Variants in ZBTB20 observed in about 807,000 individuals in gnomAD.
ZBTB20 encodes the protein zinc finger and BTB domain-containing protein 20.
ZBTB20 carries 9 observed loss-of-function variants against 56.9 expected under a neutral mutation model. The ratio of observed to expected loss-of-function variants is 0.16; its 90% CI spans 0.10 to 0.28. The LOEUF is 0.28. Ranked by LOEUF, ZBTB20 falls within the 10% of genes least tolerant of loss-of-function variation. The pLI is 1.00. For missense variants in ZBTB20, 655 were observed against 1,003.0 expected (o/e 0.65, Z 4.69); for synonymous variants, 417 against 420.7 (o/e 0.99, Z 0.11).
intron 10 of ZBTB20, among the ~76,000 whole-genome samples, chr3:114,362,482 A>G (rs1040134185): frequency 2.0e-5 from 3 of 152,218 alleles, no homozygotes; most frequent in Non-Finnish European, 2.9e-5. Context: ...AGATATGTCT[A>G]TGTGATATGG....
At chr3:114,366,334 C>T (rs2082394574) in intron 10 of ZBTB20, among the ~76,000 whole-genome samples, 1 of 151,650 alleles carries the variant, frequency 6.6e-6, no homozygotes, top group African/African-American at 2.4e-5. Context: ...TATATTCATT[C>T]CTTTCTTGGT....
In ZBTB20 at chr3:114,943,575, A is replaced by G. The variant is rs146573777; in HGVS notation, c.-456+30791T>C. Reference sequence around the variant, plus strand: ...AGATTATTCTAGAACTAAAAATAAAACAAAATTAATAACTCAATCGCAGCC... The same window carrying G: ...AGATTATTCTAGAACTAAAAATAAAGCAAAATTAATAACTCAATCGCAGCC... On this transcript the variant is annotated intron_variant, in intron 3 of 11. Transcript: ENST00000675478. Among the ~76,000 whole-genome samples the G allele has an allele frequency of 1.9e-3, 282 of 145,696 alleles. 3 individuals are homozygous for G. The highest frequency in any genetic ancestry group is 3.3e-3 in the East Asian group (17 of 5,186).
chr3:115,114,792 T>C (rs532003483), intron 1 of ZBTB20, among the ~76,000 whole-genome samples: 6 of 152,268 alleles, frequency 3.9e-5, no homozygotes, highest in Admixed American at 2.0e-4. Flanking sequence ...TCATTATTAG[T>C]ACTACTACTT....
At chr3:115,105,913 G>A (rs1261381293) in intron 1 of ZBTB20, among the ~76,000 whole-genome samples, 1 of 152,094 alleles carries the variant, frequency 6.6e-6, no homozygotes, top group Non-Finnish European at 1.5e-5. Context: ...CGCCTCCCCA[G>A]TTCAAGCGAT....
chr3:114,384,952 A>G (rs574274003), intron 8 of ZBTB20, among the ~76,000 whole-genome samples: 5 of 152,190 alleles, frequency 3.3e-5, no homozygotes, highest in Non-Finnish European at 7.3e-5. Flanking sequence ...TCTGCAACAT[A>G]TGGAAAAATA....
intron 7 of ZBTB20, among the ~76,000 whole-genome samples, chr3:114,472,705 T>C (rs1268508919): frequency 8.8e-5 from 4 of 45,326 alleles, no homozygotes; most frequent in Non-Finnish European, 1.3e-4. Context: ...CGAAACTCCA[T>C]CTCAGAAGAA....
At position 114,991,201 on chromosome 3, in the gene ZBTB20, G is replaced by A. The variant is rs144961229; in HGVS notation, c.-506-16785C>T. Among the ~76,000 whole-genome samples, 392 of 152,130 alleles carry A rather than the reference G, an allele frequency of 2.6e-3. 3 individuals carry two copies. The highest frequency in any genetic ancestry group is 6.1e-3 in the Admixed American group (93 of 15,270). On this transcript the variant is annotated intron_variant, in intron 2 of 11. Coordinates refer to ENST00000675478, the MANE Select transcript of ZBTB20 (RefSeq NM_001348800.3). ...TAGTTCTTTTAATTGTGATGTTCGG[G>A]TGTCAATTTTGGATCTTTCCTGCTT...
chr3:114,511,280 G>C (rs1039749677), intron 6 of ZBTB20, among the ~76,000 whole-genome samples: 1 of 152,078 alleles, frequency 6.6e-6, no homozygotes, highest in Non-Finnish European at 1.5e-5. Context: ...ACAAGTTCTA[G>C]GTCTTGTAAG....
At chr3:114,786,761 A>C (rs1051592103) in intron 5 of ZBTB20, among the ~76,000 whole-genome samples, 5 of 152,076 alleles carry the variant, frequency 3.3e-5, no homozygotes, top group African/African-American at 1.2e-4. Context: ...TAATGACTAG[A>C]ATAAAAAAAT....
intron 4 of ZBTB20, among the ~76,000 whole-genome samples, chr3:114,835,847 A>G (rs1329391589): frequency 6.6e-6 from 1 of 152,096 alleles, no homozygotes; most frequent in Admixed American, 6.6e-5. Flanking sequence ...ACAGCTGTTA[A>G]CCCTTTCATT....
chr3:114,853,228 T>C (rs761636542), intron 4 of ZBTB20, among the ~76,000 whole-genome samples: 1 of 152,194 alleles, frequency 6.6e-6, no homozygotes, highest in African/African-American at 2.4e-5. Flanking sequence ...GCAGACCACC[T>C]ATAGCCTCAC....
intron 2 of ZBTB20, among the ~76,000 whole-genome samples, chr3:115,038,047 T>G (rs1037210552): frequency 1.3e-5 from 2 of 152,222 alleles, no homozygotes; most frequent in African/African-American, 4.8e-5. Context: ...ACATGGGTGA[T>G]GCCACCTCCT....
intron 2 of ZBTB20, among the ~76,000 whole-genome samples, chr3:115,068,880 G>GA (rs1009497435): frequency 1.2e-3 from 164 of 142,320 alleles, no homozygotes; most frequent in Admixed American, 1.2e-3. Context: ...TTGCTTGTTT[G>GA]AAAAAAAAAA....
intron 1 of ZBTB20, among the ~76,000 whole-genome samples, chr3:115,088,459 T>G (rs2083069784): frequency 1.3e-5 from 2 of 151,826 alleles, no homozygotes; most frequent in South Asian, 4.1e-4. Context: ...AGAGAGGTGT[T>G]AAGAATATCC....
At chr3:114,657,021 C>T (rs183729670) in intron 6 of ZBTB20, among the ~76,000 whole-genome samples, 2 of 152,210 alleles carry the variant, frequency 1.3e-5, no homozygotes, top group South Asian at 2.1e-4. Context: ...TCTGAATCAT[C>T]GAGGAATCTA....
rs1025215548 is a variant in ZBTB20, at chr3:114,869,050, C to G, written c.-417+31254G>C. On this transcript the variant is annotated intron_variant, in intron 4 of 11. Transcript: ENST00000675478. Reference sequence around the variant, plus strand: ...AGCTATTTCTGAGGAGCTACTGGAACCTCCTCATTTTTTCTAGAGGTATCC... The same window carrying G: ...AGCTATTTCTGAGGAGCTACTGGAAGCTCCTCATTTTTTCTAGAGGTATCC... Among the ~76,000 whole-genome samples, 5 of 152,042 alleles carry G rather than the reference C, an allele frequency of 3.3e-5. No individual in the cohort carries two copies. The South Asian group carries it at 1.0e-3, about 32-fold the overall frequency.
intron 6 of ZBTB20, among the ~76,000 whole-genome samples, chr3:114,556,981 G>A (rs2051312984): frequency 6.6e-6 from 1 of 152,104 alleles, no homozygotes; most frequent in Middle Eastern, 3.4e-3. Flanking sequence ...TCCAATTCAA[G>A]ACTGCATACA....
At chr3:114,395,145 A>G (rs2086221627) in intron 7 of ZBTB20, among the ~76,000 whole-genome samples, 1 of 152,164 alleles carries the variant, frequency 6.6e-6, no homozygotes, top group Non-Finnish European at 1.5e-5. Context: ...CTTTGCCCCA[A>G]ATGTAGTGGT....
At chr3:114,496,339 A>G (rs1461046723) in intron 7 of ZBTB20, among the ~76,000 whole-genome samples, 1 of 152,122 alleles carries the variant, frequency 6.6e-6, no homozygotes, top group Non-Finnish European at 1.5e-5. Context: ...TTCCCAGATG[A>G]CATTTGGTTG....
Sources: allele counts gnomAD v4.1 joint callset (sites outside exome capture counted in the v4.1 genomes callset), GRCh38; gene constraint gnomAD v4.1.1; transcripts MANE v1.5; gene names NCBI Gene and HGNC (gene_info 2026-07-23, HGNC 2026-07-21).